GGACT: variants seen among roughly 807,000 people sequenced by gnomAD.
GGACT encodes the protein gamma-glutamylaminecyclotransferase.
For missense variants in GGACT, 241 were observed against 233.2 expected (o/e 1.03, Z -0.22); for synonymous variants, 118 against 115.3 (o/e 1.02, Z -0.15).
chr13:100,556,372 T>C (rs1246578353), intron 2 of GGACT, among the ~76,000 whole-genome samples: 1 of 152,216 alleles, frequency 6.6e-6, no homozygotes, highest in Non-Finnish European at 1.5e-5. Context: ...TTATCATTTA[T>C]AGTATCACCA....
chr13:100,574,359 T>G (rs1875187955), intron 2 of GGACT, among the ~76,000 whole-genome samples: 1 of 152,140 alleles, frequency 6.6e-6, no homozygotes, highest in African/African-American at 2.4e-5. Context: ...TGGAATCACT[T>G]GATGTCAGGA....
intron 2 of GGACT, among the ~76,000 whole-genome samples, chr13:100,561,265 A>G (rs898710970): frequency 6.6e-6 from 1 of 152,182 alleles, no homozygotes; most frequent in Non-Finnish European, 1.5e-5. Context: ...CAACACTTCC[A>G]TATTAGGAAC....
At chr13:100,547,592 G>C (rs1459969369) in intron 2 of GGACT, among the ~76,000 whole-genome samples, 10 of 152,200 alleles carry the variant, frequency 6.6e-5, no homozygotes, top group Non-Finnish European at 1.0e-4. Flanking sequence ...TCATAGCCCC[G>C]AATCAGAAGC....
intron 2 of GGACT, among the ~76,000 whole-genome samples, chr13:100,580,862 T>C (rs1201556961): frequency 6.6e-6 from 1 of 152,210 alleles, no homozygotes; most frequent in Non-Finnish European, 1.5e-5. Context: ...GAACTGTGTA[T>C]ATTCATAAAA....
At chr13:100,535,400 A>G (rs2088477121) in intron 2 of GGACT, among the ~76,000 whole-genome samples, 1 of 152,226 alleles carries the variant, frequency 6.6e-6, no homozygotes, top group Non-Finnish European at 1.5e-5. Context: ...AAAGTGGGTG[A>G]GCATAGTGGT....
intron 2 of GGACT, among the ~76,000 whole-genome samples, chr13:100,577,706 G>A (rs1365118548): frequency 4.6e-5 from 7 of 152,082 alleles, no homozygotes; most frequent in African/African-American, 1.7e-4. Context: ...TCTGATCCCG[G>A]GTGGGTGGCA....
rs766859011 is a variant in GGACT, at chr13:100,545,846, G to A, written c.-10-13245C>T. Among the ~76,000 whole-genome samples, 21 of 152,120 alleles carry A rather than the reference G, an allele frequency of 1.4e-4. No individual in the cohort carries two copies. The highest frequency in any genetic ancestry group is 2.2e-4 in the Non-Finnish European group (15 of 68,024). ...CCCCTACAGAAGGAAGTAAGGGTTC[G>A]GAGAATTCAGACACCAAAGGCCCCA... is the stretch of plus-strand genomic sequence containing the variant. On this transcript the variant is annotated intron_variant, in intron 2 of 2. Transcript: ENST00000683975. The surrounding 1 kb of genome is among the most constrained non-coding windows in gnomAD (Gnocchi z 4.4).
At chr13:100,550,685 C>T (rs953958410) in intron 2 of GGACT, among the ~76,000 whole-genome samples, 1 of 152,160 alleles carries the variant, frequency 6.6e-6, no homozygotes, top group Non-Finnish European at 1.5e-5. Context: ...TGGAATGCCC[C>T]GAGAGAACGT....
At position 100,554,242 on chromosome 13, in the gene GGACT, A is replaced by G. The variant is rs566228717; in HGVS notation, c.-10-21641T>C. On this transcript the variant is annotated intron_variant, in intron 2 of 2. Transcript: ENST00000683975. ...CCCCAGGGGATGAAAGCCAAGGTAC[A>G]TTTCTCAGGGGTTCAGAAAGTTCCA... is the stretch of plus-strand genomic sequence containing the variant. Among the ~76,000 whole-genome samples the G allele has an allele frequency of 2.0e-5, 3 of 152,256 alleles. No individual in the cohort carries two copies. The South Asian group carries it at 6.2e-4, about 32-fold the overall frequency.
chr13:100,579,290 C>T (rs563798023), intron 2 of GGACT, among the ~76,000 whole-genome samples: 23 of 152,238 alleles, frequency 1.5e-4, no homozygotes, highest in African/African-American at 2.6e-4. Flanking sequence ...CCCCAGGGTA[C>T]GGAGGCAGGA....
chr13:100,582,680 T>C (rs1222167389), intron 2 of GGACT, among the ~76,000 whole-genome samples: 1 of 152,230 alleles, frequency 6.6e-6, no homozygotes, highest in African/African-American at 2.4e-5. Flanking sequence ...AGGTGGCCTC[T>C]AGCAGCTGCA....
At chr13:100,543,336 T>C (rs1016578064) in intron 2 of GGACT, among the ~76,000 whole-genome samples, 3 of 150,922 alleles carry the variant, frequency 2.0e-5, no homozygotes, top group South Asian at 2.1e-4. Context: ...GCCTCCTGAG[T>C]AGCTGGGACT....
chr13:100,543,979 T>C (rs755052302), intron 2 of GGACT, among the ~76,000 whole-genome samples: 51 of 152,220 alleles, frequency 3.4e-4, no homozygotes, highest in Non-Finnish European at 7.2e-4. Context: ...GGACACCAAC[T>C]GCTGCTCTAG....
chr13:100,553,890 C>G (rs1191610790), intron 2 of GGACT, among the ~76,000 whole-genome samples: 2 of 150,370 alleles, frequency 1.3e-5, no homozygotes, highest in African/African-American at 4.9e-5. Flanking sequence ...AACCTCTGTG[C>G]CAGGGGCCAG....
chr13:100,577,277 G>A (rs796559734), intron 2 of GGACT, among the ~76,000 whole-genome samples: 13 of 152,106 alleles, frequency 8.5e-5, no homozygotes, highest in East Asian at 1.9e-4. Context: ...TTAGCCAGGC[G>A]TGGTGGTGGG....
intron 2 of GGACT, among the ~76,000 whole-genome samples, chr13:100,582,999 G>GT (rs1445436689): frequency 1.3e-5 from 2 of 151,836 alleles, no homozygotes; most frequent in East Asian, 1.9e-4. Flanking sequence ...TTTTTTCTTG[G>GT]TAAAAAAAAC....
chr13:100,543,649 A>G (rs939300819), intron 2 of GGACT, among the ~76,000 whole-genome samples: 1 of 152,216 alleles, frequency 6.6e-6, no homozygotes, highest in African/African-American at 2.4e-5. Context: ...TCCACATGAT[A>G]TATCAAGCCA....
chr13:100,536,268 T>A (rs1260826158), intron 2 of GGACT: 1 of 152,130 alleles, frequency 6.6e-6, no homozygotes, highest in Non-Finnish European at 1.5e-5. Context: ...GTGCTGGAAT[T>A]TTGATCTGAA....
intron 2 of GGACT, among the ~76,000 whole-genome samples, chr13:100,567,194 G>T (rs1217463799): frequency 6.6e-6 from 1 of 152,198 alleles, no homozygotes; most frequent in African/African-American, 2.4e-5. Flanking sequence ...TCTCCACAGA[G>T]AAGTTACTCT....
Sources: allele counts gnomAD v4.1 joint callset (sites outside exome capture counted in the v4.1 genomes callset), GRCh38; gene constraint gnomAD v4.1.1; non-coding constraint Gnocchi (gnomAD v3.1); transcripts MANE v1.5; gene names NCBI Gene and HGNC (gene_info 2026-07-23, HGNC 2026-07-21).